Variants in SLCO4C1 observed in about 807,000 individuals in gnomAD.
SLCO4C1 encodes the protein solute carrier organic anion transporter family member 4C1, also known as organic anion transporter M1.
Under a neutral mutation model 72.1 loss-of-function variants are expected in SLCO4C1, and 58 were observed. The ratio of observed to expected loss-of-function variants is 0.80; its 90% CI spans 0.65 to 1.00. The LOEUF is 1.00. SLCO4C1 is among the 50% of genes least tolerant of loss of function. The pLI, the probability that SLCO4C1 is intolerant of heterozygous loss-of-function variation, is 0.00. For synonymous variants in SLCO4C1, 297 were observed against 312.5 expected, an observed-to-expected ratio of 0.95 and a Z score of 0.52; for missense variants, 898 against 857.9, an observed-to-expected ratio of 1.05 and a Z score of -0.58.
At chr5:102,244,786 A>G (rs1748607706) in intron 10 of SLCO4C1, among the ~76,000 whole-genome samples, 1 of 152,198 alleles carries the variant, frequency 6.6e-6, no homozygotes, top group Non-Finnish European at 1.5e-5. Flanking sequence ...AGAATAGTAT[A>G]TCTGGTTAAA....
intron 4 of SLCO4C1, among the ~76,000 whole-genome samples, 175 bp from the exon 5 acceptor site, chr5:102,262,208 G>C (rs1234398339): frequency 6.6e-6 from 1 of 152,134 alleles, no homozygotes; most frequent in African/African-American, 2.4e-5. Context: ...ACATAATTGA[G>C]AGTTATAAGA....
intron 2 of SLCO4C1, among the ~76,000 whole-genome samples, chr5:102,273,647 T>C (rs1197335355): frequency 6.6e-6 from 1 of 152,128 alleles, no homozygotes; most frequent in African/African-American, 2.4e-5. Context: ...TAAACCTATA[T>C]TATTTAAACC....
rs150143649 is a variant in SLCO4C1 at position 102,290,734 on chromosome 5, G to A, written c.619+609C>T. On this transcript the variant is annotated intron_variant, in intron 2 of 12. Transcript: ENST00000310954. ...TAAGGTCTACTTTCATTTGTCCACC[G>A]TTCTGGCTCTACTATATTTGTTTTT... Among the ~76,000 whole-genome samples, 191 of 152,224 alleles carry A rather than the reference G, an allele frequency of 1.3e-3. 4 individuals are homozygous for A. The East Asian group carries it at 0.025, about 20-fold the overall frequency.
At chr5:102,265,748 C>T (rs1158967439) in intron 3 of SLCO4C1, among the ~76,000 whole-genome samples, 1 of 152,054 alleles carries the variant, frequency 6.6e-6, no homozygotes, top group Non-Finnish European at 1.5e-5. Context: ...TAGTGTGATG[C>T]TTTCGGTTTT....
chr5:102,291,382 A>C lies in SLCO4C1; in HGVS notation c.580T>G (p.Phe194Val). 1 of 1,614,024 alleles carries C rather than the reference A, an allele frequency of 6.2e-7. No individual in the cohort carries two copies. Among genetic ancestry groups the C allele is most frequent in the South Asian group, 1.1e-5 (1 of 91,030 alleles). Residue 194 changes from phenylalanine (F) to valine (V), a missense_variant, in exon 2 of 13, where the codon TTT becomes GTT. Coordinates refer to ENST00000310954, the MANE Select transcript of SLCO4C1 (RefSeq NM_180991.5). ...LGALVFSLPQ[F>V]FSGEYKLGSL... The stretch of plus-strand genomic sequence containing the variant: ...CCCAATTTATATTCTCCACTGAAAA[A>C]TTGTGGCAATGAGAATACAAGTGCT...
In SLCO4C1 at chr5:102,236,743, T is replaced by C; in HGVS notation, c.*115A>G. 8.7e-7 allele frequency: 1 copy of C among 1,150,734 alleles called. No homozygotes were observed. Among genetic ancestry groups the C allele is most frequent in the South Asian group, 1.4e-5 (1 of 69,286 alleles). The allele number at this position is 1,150,734 out of a possible 1,614,324, so 71.3% of individuals were successfully genotyped here. On this transcript the variant is annotated 3_prime_UTR_variant, in exon 13 of 13. Coordinates refer to ENST00000310954, the MANE Select transcript of SLCO4C1 (RefSeq NM_180991.5). ...AAAAATACATTTGATTATAAAAACA[T>C]CAATTTTGTAAATATGATTGTCCAT...
intron 1 of SLCO4C1, among the ~76,000 whole-genome samples, chr5:102,294,067 C>T (rs1473761344): frequency 6.6e-6 from 1 of 152,202 alleles, no homozygotes; most frequent in African/African-American, 2.4e-5. Flanking sequence ...CGCCACAATG[C>T]CCAACTAGTT....
chr5:102,287,527 T>C (rs1461059354), intron 2 of SLCO4C1, among the ~76,000 whole-genome samples: 1 of 149,328 alleles, frequency 6.7e-6, no homozygotes. Flanking sequence ...AAGAGGTTTT[T>C]TCACTTCTTT....
intron 2 of SLCO4C1, among the ~76,000 whole-genome samples, chr5:102,275,794 C>T (rs1187024584): frequency 2.0e-5 from 3 of 152,260 alleles, no homozygotes; most frequent in Non-Finnish European, 4.4e-5. Context: ...CTTTAAAAAT[C>T]ATCTATCATA....
In SLCO4C1 at chr5:102,243,331, C is replaced by T. The variant is rs570063983; in HGVS notation, c.1812-2549G>A. On this transcript the variant is annotated intron_variant, in intron 10 of 12. Transcript: ENST00000310954. The stretch of plus-strand genomic sequence containing the variant: ...GCTTTCCCACTTGCTGATTGTAGGG[C>T]CCCAGGTCCTTAAGCAAACAGAACT... 9.8e-5 allele frequency among the ~76,000 whole-genome samples: 15 copies of T among 152,298 alleles called. No individual in the cohort carries two copies. In the South Asian group the frequency reaches 3.1e-3, roughly 32 times the overall value.
intron 11 of SLCO4C1, 116 bp downstream of exon 11, chr5:102,240,602 A>T: frequency 1.3e-6 from 1 of 750,324 alleles, no homozygotes; most frequent in Non-Finnish European, 2.2e-6. Context: ...CTTCAACAAG[A>T]ATGATGTAGC....
chr5:102,256,113 A>G (rs1748830595), intron 8 of SLCO4C1, among the ~76,000 whole-genome samples: 1 of 152,180 alleles, frequency 6.6e-6, no homozygotes, highest in African/African-American at 2.4e-5. Flanking sequence ...GGCTGAGACA[A>G]GAATCATTTG....
intron 3 of SLCO4C1, among the ~76,000 whole-genome samples, chr5:102,266,031 G>T (rs1402261636): frequency 1.3e-5 from 2 of 151,758 alleles, no homozygotes. Context: ...TCGCCTCCTG[G>T]GTTAAATTTG....
intron 5 of SLCO4C1, among the ~76,000 whole-genome samples, chr5:102,261,271 G>C (rs1748937544): frequency 6.6e-6 from 1 of 151,928 alleles, no homozygotes; most frequent in Non-Finnish European, 1.5e-5. Flanking sequence ...AATTAGCCGA[G>C]AGTGGTGGCA....
intron 7 of SLCO4C1, 75 bp downstream of exon 7, chr5:102,257,868 A>G: frequency 7.3e-7 from 1 of 1,367,486 alleles, no homozygotes; most frequent in Non-Finnish European, 1.0e-6. Flanking sequence ...GGCTACCTCA[A>G]ATTATACACT....
chr5:102,284,589 T>G (rs1307546131), intron 2 of SLCO4C1, among the ~76,000 whole-genome samples: 1 of 152,044 alleles, frequency 6.6e-6, no homozygotes, highest in African/African-American at 2.4e-5. Context: ...CAGAATGCAT[T>G]TGCTTTATAG....
intron 8 of SLCO4C1, among the ~76,000 whole-genome samples, chr5:102,256,111 C>A (rs536119224): frequency 1.3e-5 from 2 of 152,092 alleles, no homozygotes; most frequent in South Asian, 4.2e-4. Flanking sequence ...GAGGCTGAGA[C>A]AAGAATCATT....
rs368571199 is a variant in SLCO4C1, at chr5:102,247,247, C to T, written c.1811+5G>A. ...GGAATGAAAATTTCTCAACGTGCTA[C>T]ATACCTTAGGATAGACACAGTTATA... On this transcript the variant is annotated splice_donor_5th_base_variant and intron_variant, in intron 10 of 12. Transcript: ENST00000310954. The T allele has an allele frequency of 1.3e-6, 2 of 1,492,086 alleles. No homozygotes were observed. The highest frequency in any genetic ancestry group is 1.4e-5 in the African/African-American group (1 of 71,536). The allele number at this position is 1,492,086 out of a possible 1,614,324, so 92.4% of individuals were successfully genotyped here.
rs541660890 is a variant in SLCO4C1, at chr5:102,294,065, T to C, written c.355+1843A>G. On this transcript the variant is annotated intron_variant, in intron 1 of 12. Transcript: ENST00000310954. Reference sequence around the variant, plus strand: ...CTGGGATTGCAGGCATGCGCCACAATGCCCAACTAGTTTTTGTATTTTTGG... The same window carrying C: ...CTGGGATTGCAGGCATGCGCCACAACGCCCAACTAGTTTTTGTATTTTTGG... 2.0e-3 allele frequency among the ~76,000 whole-genome samples: 300 copies of C among 152,298 alleles called. 2 individuals are homozygous for C. The highest frequency in any genetic ancestry group is 0.011 in the South Asian group (51 of 4,832).
Sources: allele counts gnomAD v4.1 joint callset (sites outside exome capture counted in the v4.1 genomes callset), GRCh38; gene constraint gnomAD v4.1.1; transcripts MANE v1.5; gene names NCBI Gene and HGNC (gene_info 2026-07-23, HGNC 2026-07-21).